COL22A1: variants seen among roughly 807,000 people sequenced by gnomAD.
The protein encoded by COL22A1 is collagen type XXII alpha 1 chain.
Under a neutral mutation model 248.9 loss-of-function variants are expected in COL22A1, and 221 were observed. The observed-to-expected ratio is 0.89, with a 90% CI of 0.80 to 0.99. COL22A1 has a LOEUF of 0.99. Ranked by LOEUF, COL22A1 falls within the 50% of genes least tolerant of loss-of-function variation. The probability of loss-of-function intolerance (pLI) is 0.00; values close to 1 mark genes in which losing one functional copy is unlikely to be tolerated. For synonymous variants in COL22A1, 891 were observed against 793.4 expected, an observed-to-expected ratio of 1.12 and a Z score of -2.07; for missense variants, 2,240 against 2,179.0, an observed-to-expected ratio of 1.03 and a Z score of -0.56.
intron 55 of COL22A1, among the ~76,000 whole-genome samples, chr8:138,614,381 C>T (rs1211693132): frequency 2.0e-5 from 3 of 152,218 alleles, no homozygotes; most frequent in Non-Finnish European, 4.4e-5. Context: ...CAGAGTCTTC[C>T]AAGCGGCCCT....
chr8:138,856,089 G>T (rs2131928869), intron 3 of COL22A1, among the ~76,000 whole-genome samples: 1 of 152,298 alleles, frequency 6.6e-6, no homozygotes, highest in South Asian at 2.1e-4. Flanking sequence ...CTTCGGAGGG[G>T]GGCCTGCTCA....
At chr8:138,747,152 A>G (rs1274122289) in intron 22 of COL22A1, among the ~76,000 whole-genome samples, 2 of 152,224 alleles carry the variant, frequency 1.3e-5, no homozygotes, top group Admixed American at 6.5e-5. Flanking sequence ...AAATATTTAG[A>G]AACAACATGA....
At chr8:138,636,933 G>A (rs546612789) in intron 47 of COL22A1, 138 bp from the exon 48 acceptor site, 9 of 726,480 alleles carry the variant, frequency 1.2e-5, no homozygotes, top group East Asian at 7.5e-5. Context: ...GCTCAGGCAC[G>A]GTGGCAGCAG....
At chr8:138,733,836 T>A (rs1178158317) in intron 23 of COL22A1, among the ~76,000 whole-genome samples, 1 of 152,182 alleles carries the variant, frequency 6.6e-6, no homozygotes, top group Non-Finnish European at 1.5e-5. Flanking sequence ...AGCAAAGGAC[T>A]TGCTTGAGAG....
Position 138,679,674 on chromosome 8 carries a change from A to G in COL22A1, c.3015T>C (p.Ala1005=). 2 of 1,613,920 alleles carry G rather than the reference A, an allele frequency of 1.2e-6. No homozygotes were observed. The highest frequency in any genetic ancestry group is 1.7e-6 in the Non-Finnish European group (2 of 1,179,824). ...CTGACCCTCTGACTTTTCCGCAAGCAGCCTGAAAGTAGAAAATCTTCACTC... is the reference window on the plus strand; with the variant it reads ...CTGACCCTCTGACTTTTCCGCAAGCGGCCTGAAAGTAGAAAATCTTCACTC... ...PGLPGPLGTK[A]ACGKVRGSEN... Residue 1005 remains alanine, a splice_region_variant and synonymous_variant, in exon 40 of 65, where the codon GCT becomes GCC. Coordinates refer to ENST00000303045, the MANE Select transcript of COL22A1 (RefSeq NM_152888.3).
chr8:138,605,055 A>G (rs932050448), intron 58 of COL22A1, among the ~76,000 whole-genome samples: 1 of 152,140 alleles, frequency 6.6e-6, no homozygotes, highest in Non-Finnish European at 1.5e-5. Flanking sequence ...TTTTACAAAT[A>G]GTCCTGTTGT....
At chr8:138,881,477 C>G (rs144310420) in intron 2 of COL22A1, among the ~76,000 whole-genome samples, 4 of 151,940 alleles carry the variant, frequency 2.6e-5, no homozygotes, top group African/African-American at 9.7e-5. Flanking sequence ...CGAGGTGAGG[C>G]GATCGAGACC....
intron 1 of COL22A1, among the ~76,000 whole-genome samples, chr8:138,896,494 TC>T (rs1825423331): frequency 6.6e-6 from 1 of 152,160 alleles, no homozygotes; most frequent in African/African-American, 2.4e-5. Flanking sequence ...AGATATTTTT[TC>T]AAAAACATTA....
intron 32 of COL22A1, among the ~76,000 whole-genome samples, chr8:138,696,751 C>A (rs1827539587): frequency 6.6e-6 from 1 of 152,234 alleles, no homozygotes; most frequent in Non-Finnish European, 1.5e-5. Context: ...GTGACCAATA[C>A]AGAGGAGGTT....
At chr8:138,596,150 CA>C (rs1198389884) in intron 62 of COL22A1, among the ~76,000 whole-genome samples, 1 of 152,232 alleles carries the variant, frequency 6.6e-6, no homozygotes, top group Admixed American at 6.5e-5. Context: ...CTGATCTTGG[CA>C]AATGCCAACA....
chr8:138,857,551 C>CCCA (rs1476614753), intron 3 of COL22A1, among the ~76,000 whole-genome samples: 1 of 152,302 alleles, frequency 6.6e-6, no homozygotes, highest in East Asian at 1.9e-4. Context: ...CCTGACTCTG[C>CCCA]CCACCATGTC....
chr8:138,731,647 TGA>T (rs144710737), intron 23 of COL22A1, among the ~76,000 whole-genome samples: 6 of 150,482 alleles, frequency 4.0e-5, no homozygotes, highest in Admixed American at 1.3e-4. Context: ...CTACAGGGCC[TGA>T]GAGAGAGAGA....
At chr8:138,665,119 A>G (rs570954500) in intron 41 of COL22A1, among the ~76,000 whole-genome samples, 7 of 152,188 alleles carry the variant, frequency 4.6e-5, no homozygotes, top group African/African-American at 7.2e-5. Flanking sequence ...AAAATAGAAT[A>G]AGCATCATTT....
At chr8:138,761,116 G>T (rs1833453262) in intron 17 of COL22A1, among the ~76,000 whole-genome samples, 1 of 152,162 alleles carries the variant, frequency 6.6e-6, no homozygotes, top group African/African-American at 2.4e-5. Context: ...CCCACTGCCT[G>T]GCTTCCCCTG....
chr8:138,730,904 GAC>G (rs967924880), intron 23 of COL22A1, among the ~76,000 whole-genome samples: 1 of 151,922 alleles, frequency 6.6e-6, no homozygotes, highest in Non-Finnish European at 1.5e-5. Flanking sequence ...GGGAGGAAGA[GAC>G]ACACACACCC....
At chr8:138,874,654 A>G (rs1823576214) in intron 3 of COL22A1, among the ~76,000 whole-genome samples, 1 of 152,098 alleles carries the variant, frequency 6.6e-6, no homozygotes, top group African/African-American at 2.4e-5. Flanking sequence ...GGTGTCCCCA[A>G]CTTGCCCTCC....
chr8:138,664,184 CA>C (rs1564163791), intron 41 of COL22A1, among the ~76,000 whole-genome samples: 1 of 142,352 alleles, frequency 7.0e-6, no homozygotes, highest in Non-Finnish European at 1.5e-5. Flanking sequence ...CTCCCTTCTC[CA>C]ACAAGGGGTG....
At chr8:138,895,060 T>TAAAA (rs35588853) in intron 1 of COL22A1, among the ~76,000 whole-genome samples, 1 of 139,616 alleles carries the variant, frequency 7.2e-6, no homozygotes, top group East Asian at 2.1e-4. Context: ...ACCTTTCTCT[T>TAAAA]AAAAAAAAAA....
chr8:138,657,364 T>C (rs557834907), intron 44 of COL22A1, among the ~76,000 whole-genome samples: 34 of 152,354 alleles, frequency 2.2e-4, no homozygotes, highest in Non-Finnish European at 3.5e-4. Context: ...ATGGTTCAAA[T>C]TGGTATATTT....
Sources: allele counts gnomAD v4.1 joint callset (sites outside exome capture counted in the v4.1 genomes callset), GRCh38; gene constraint gnomAD v4.1.1; transcripts MANE v1.5; gene names NCBI Gene and HGNC (gene_info 2026-07-23, HGNC 2026-07-21).